The following STARD13 variants were observed in gnomAD, a reference collection of about 807,000 sequenced individuals.
The protein encoded by STARD13 is stAR-related lipid transfer protein 13.
Under a neutral mutation model 106.4 loss-of-function variants are expected in STARD13, and 62 were observed. That is an observed-to-expected ratio of 0.58 (90% CI 0.48 to 0.72). The LOEUF is 0.72. STARD13 is among the 30% of genes least tolerant of loss of function. The pLI is 0.00. For missense variants in STARD13, 1,387 were observed against 1,424.0 expected, an observed-to-expected ratio of 0.97 and a Z score of 0.42; for synonymous variants, 565 against 553.0, an observed-to-expected ratio of 1.02 and a Z score of -0.31.
chr13:33,596,466 GT>G, the STARD13 span, among the ~76,000 whole-genome samples: 1 of 152,150 alleles, frequency 6.6e-6, no homozygotes, highest in Non-Finnish European at 1.5e-5. Context: ...TACGTGTGAT[GT>G]TTTGATATAT....
upstream of STARD13, among the ~76,000 whole-genome samples, chr13:33,290,002 C>A (rs1290782529): frequency 6.6e-6 from 1 of 152,178 alleles, no homozygotes; most frequent in African/African-American, 2.4e-5. Flanking sequence ...TGCAAACACT[C>A]CAAATACAGT....
chr13:33,350,342 C>T, exon 1 of STARD13: 1 of 1,534,514 alleles, frequency 6.5e-7, no homozygotes, highest in Non-Finnish European at 8.7e-7. Context: ...AGGCTCTGGC[C>T]GTGGAGTCCC....
At chr13:33,204,032 G>T in intron 1 of STARD13, among the ~76,000 whole-genome samples, 1 of 152,148 alleles carries the variant, frequency 6.6e-6, no homozygotes, top group African/African-American at 2.4e-5. Context: ...ACAAAATTAG[G>T]CAGCATAAAG....
chr13:33,427,430 T>G, the STARD13 span, among the ~76,000 whole-genome samples: 4 of 152,226 alleles, frequency 2.6e-5, no homozygotes, highest in Non-Finnish European at 5.9e-5. Flanking sequence ...CTACAAATAT[T>G]TTAAGTCAAG....
At chr13:33,524,777 A>G in the STARD13 span, among the ~76,000 whole-genome samples, 1 of 152,086 alleles carries the variant, frequency 6.6e-6, no homozygotes, top group African/African-American at 2.4e-5. Flanking sequence ...ATGTTTTAAA[A>G]CATGTATACA....
chr13:33,204,200 A>T (rs977965732), intron 1 of STARD13, among the ~76,000 whole-genome samples: 1 of 152,228 alleles, frequency 6.6e-6, no homozygotes, highest in African/African-American at 2.4e-5. Flanking sequence ...ACATGTCAGC[A>T]TGTGTCAGCA....
chr13:33,509,921 G>C, the STARD13 span, among the ~76,000 whole-genome samples: 4 of 152,194 alleles, frequency 2.6e-5, no homozygotes, highest in African/African-American at 9.6e-5. Context: ...AGGACAATAG[G>C]AAAGGGAGTT....
the STARD13 span, among the ~76,000 whole-genome samples, chr13:33,471,254 T>C: frequency 6.6e-6 from 1 of 152,174 alleles, no homozygotes; most frequent in Admixed American, 6.6e-5. Context: ...ACAAAGAGTA[T>C]GAAATTGCCC....
At chr13:33,599,011 C>T in the STARD13 span, among the ~76,000 whole-genome samples, 3 of 152,128 alleles carry the variant, frequency 2.0e-5, no homozygotes, top group African/African-American at 7.2e-5. Flanking sequence ...GGAGTGATAT[C>T]TACAAGGAGG....
chr13:33,394,148 T>G, the STARD13 span, among the ~76,000 whole-genome samples: 1 of 152,070 alleles, frequency 6.6e-6, no homozygotes, highest in African/African-American at 2.4e-5. Context: ...CTCACAACCA[T>G]ATTACTCTGT....
At chr13:33,122,544 A>C (rs1172912920) in intron 7 of STARD13, among the ~76,000 whole-genome samples, 3 of 152,234 alleles carry the variant, frequency 2.0e-5, no homozygotes, top group African/African-American at 7.2e-5. Flanking sequence ...ATGGCATAAC[A>C]GGTCCTGCTG....
chr13:33,473,669 G>C, the STARD13 span, among the ~76,000 whole-genome samples: 2 of 152,202 alleles, frequency 1.3e-5, no homozygotes, highest in Non-Finnish European at 2.9e-5. Context: ...CATAGGCCAG[G>C]AGAGTCTCAG....
At chr13:33,491,859 G>A in the STARD13 span, among the ~76,000 whole-genome samples, 2 of 152,172 alleles carry the variant, frequency 1.3e-5, no homozygotes, top group African/African-American at 4.8e-5. Flanking sequence ...ACAATTGAAT[G>A]TTTTCACTCG....
At chr13:33,341,172 C>G (rs143241164) in intron 1 of STARD13, among the ~76,000 whole-genome samples, 1,944 of 152,272 alleles carry the variant, frequency 0.013, 21 homozygotes, top group South Asian at 0.041. Context: ...GGATAAACCC[C>G]TAGGAAACTT....
At chr13:33,659,421 G>A in the STARD13 span, among the ~76,000 whole-genome samples, 344 of 152,146 alleles carry the variant, frequency 2.3e-3, no homozygotes, top group Admixed American at 3.1e-3. Flanking sequence ...TCATCATGTT[G>A]GCCAGGATGG....
At chr13:33,506,941 G>A in the STARD13 span, among the ~76,000 whole-genome samples, 2 of 152,002 alleles carry the variant, frequency 1.3e-5, no homozygotes, top group African/African-American at 4.8e-5. Flanking sequence ...GTGAGACCCT[G>A]TCTCTACAAA....
At chr13:33,570,736 C>A in the STARD13 span, among the ~76,000 whole-genome samples, 1 of 152,150 alleles carries the variant, frequency 6.6e-6, no homozygotes, top group Admixed American at 6.6e-5. Context: ...GGAGGGACAG[C>A]TGTGCAGAAG....
the STARD13 span, among the ~76,000 whole-genome samples, chr13:33,542,907 C>G: frequency 6.6e-6 from 1 of 152,156 alleles, no homozygotes; most frequent in Non-Finnish European, 1.5e-5. Flanking sequence ...AAACCGTGGC[C>G]CCTGCTTTCC....
At chr13:33,377,883 G>C in the STARD13 span, among the ~76,000 whole-genome samples, 2 of 152,042 alleles carry the variant, frequency 1.3e-5, no homozygotes, top group Non-Finnish European at 2.9e-5. Context: ...TGATTGAATG[G>C]GTAAATCAGT....
Sources: allele counts gnomAD v4.1 joint callset (sites outside exome capture counted in the v4.1 genomes callset), GRCh38; gene constraint gnomAD v4.1.1; transcripts MANE v1.5; gene names NCBI Gene and HGNC (gene_info 2026-07-23, HGNC 2026-07-21).